Variants in OR2L13 observed in about 807,000 individuals in gnomAD.
OR2L13 encodes the protein olfactory receptor 2L13.
Under a neutral mutation model 15.3 loss-of-function variants are expected in OR2L13, and 14 were observed. That is an observed-to-expected ratio of 0.91 (90% CI 0.60 to 1.43). The LOEUF (loss-of-function observed/expected upper bound fraction) is 1.43. Among genes scored for constraint, OR2L13 ranks in the 40% most tolerant of loss-of-function variants. The probability of loss-of-function intolerance (pLI) is 0.00; values close to 1 mark genes in which losing one functional copy is unlikely to be tolerated. For synonymous variants in OR2L13, 152 were observed against 142.9 expected, an observed-to-expected ratio of 1.06 and a Z score of -0.45; for missense variants, 367 against 387.9, an observed-to-expected ratio of 0.95 and a Z score of 0.45.
At chr1:247,939,621 T>C in the OR2L13 span, 3 of 152,182 alleles carry the variant, frequency 2.0e-5, no homozygotes, top group Non-Finnish European at 2.9e-5. Context: ...AAAAAAAGAA[T>C]AGGAAAATTC....
the OR2L13 span, among the ~76,000 whole-genome samples, chr1:248,030,584 T>C: frequency 6.6e-6 from 1 of 152,178 alleles, no homozygotes; most frequent in African/African-American, 2.4e-5. Context: ...TCCTTGTACC[T>C]ACTTGGTTGG....
At chr1:248,010,003 A>G in the OR2L13 span, among the ~76,000 whole-genome samples, 1 of 152,182 alleles carries the variant, frequency 6.6e-6, no homozygotes, top group Non-Finnish European at 1.5e-5. Context: ...CTAGGTGTTC[A>G]CAGAACGTAT....
At chr1:248,003,139 T>C in the OR2L13 span, 95 of 1,335,960 alleles carry the variant, frequency 7.1e-5, 1 homozygote, top group South Asian at 5.6e-4. Context: ...CCATGGAAAA[T>C]TGCAATCAAA....
the OR2L13 span, chr1:248,022,942 C>A: frequency 2.0e-5 from 29 of 1,470,284 alleles, no homozygotes; most frequent in African/African-American, 4.2e-5. Context: ...CAGCAGTGTA[C>A]AGCAGTGAAG....
At chr1:247,959,656 T>A in the OR2L13 span, among the ~76,000 whole-genome samples, 11 of 152,146 alleles carry the variant, frequency 7.2e-5, no homozygotes, top group African/African-American at 2.2e-4. Context: ...TTATTCTTTT[T>A]TCTCTAAACT....
the OR2L13 span, among the ~76,000 whole-genome samples, chr1:247,945,973 C>T: frequency 5.2e-3 from 795 of 152,158 alleles, 8 homozygotes; most frequent in African/African-American, 0.018. Flanking sequence ...TATTAGCCTT[C>T]GATAAATAAA....
the OR2L13 span, among the ~76,000 whole-genome samples, chr1:248,086,864 T>G: frequency 9.2e-4 from 139 of 151,406 alleles, no homozygotes; most frequent in African/African-American, 3.3e-3. Flanking sequence ...TACACTTATA[T>G]ATACATTTCT....
the OR2L13 span, chr1:248,003,749 G>A: frequency 4.9e-5 from 79 of 1,613,712 alleles, no homozygotes; most frequent in African/African-American, 1.1e-4. Flanking sequence ...CATCTTTCTC[G>A]TGTTTCCCTT....
the OR2L13 span, chr1:247,965,597 TCTC>T: frequency 1.3e-6 from 2 of 1,579,982 alleles, no homozygotes; most frequent in African/African-American, 1.3e-5. Flanking sequence ...CTCATGTACA[TCTC>T]CACCACAGTG....
chr1:248,026,756 G>C, the OR2L13 span, among the ~76,000 whole-genome samples: 1 of 151,326 alleles, frequency 6.6e-6, no homozygotes, highest in Non-Finnish European at 1.5e-5. Context: ...AGATTTCATG[G>C]ACACTTATCA....
the OR2L13 span, chr1:247,975,187 T>C: frequency 2.5e-6 from 1 of 397,788 alleles, no homozygotes; most frequent in Non-Finnish European, 5.0e-6. Context: ...TCTTGGATAA[T>C]GGGCTCTATC....
At chr1:248,039,136 G>T in the OR2L13 span, 3 of 1,613,896 alleles carry the variant, frequency 1.9e-6, no homozygotes, top group East Asian at 2.2e-5. Context: ...ATCATCTACA[G>T]CCTGAGAAAC....
At chr1:247,948,604 T>C in the OR2L13 span, among the ~76,000 whole-genome samples, 3 of 152,352 alleles carry the variant, frequency 2.0e-5, no homozygotes, top group Non-Finnish European at 2.9e-5. Flanking sequence ...TATTCACATA[T>C]TTATAGTATA....
chr1:247,945,942 G>A, the OR2L13 span, among the ~76,000 whole-genome samples: 1 of 152,036 alleles, frequency 6.6e-6, no homozygotes. Flanking sequence ...GTGACTTTGG[G>A]TATTGTTGAC....
At chr1:248,089,466 C>A in the OR2L13 span, among the ~76,000 whole-genome samples, 3 of 152,068 alleles carry the variant, frequency 2.0e-5, no homozygotes, top group African/African-American at 7.2e-5. Flanking sequence ...GAGCAGGGAG[C>A]CCTCTTAGTG....
chr1:248,022,901 T>C, the OR2L13 span: 2 of 1,587,206 alleles, frequency 1.3e-6, no homozygotes, highest in African/African-American at 2.7e-5. Context: ...ACGTTCTGTG[T>C]TAGAGTCAAA....
upstream of OR2L13, among the ~76,000 whole-genome samples, chr1:248,096,247 G>A (rs1312175759): frequency 1.3e-5 from 2 of 151,966 alleles, no homozygotes; most frequent in Non-Finnish European, 2.9e-5. Flanking sequence ...GCCGGGCGTG[G>A]TGGTGGGCGC....
the OR2L13 span, among the ~76,000 whole-genome samples, chr1:248,011,844 C>A: frequency 1.3e-5 from 2 of 152,110 alleles, no homozygotes; most frequent in Non-Finnish European, 2.9e-5. Flanking sequence ...CCCTCAGTAT[C>A]TCTGTAGGTG....
At chr1:247,966,288 G>T in the OR2L13 span, 1 of 1,613,802 alleles carries the variant, frequency 6.2e-7, no homozygotes, top group Non-Finnish European at 8.5e-7. Context: ...TGAGGAGACT[G>T]TTGGGATATT....
Sources: allele counts gnomAD v4.1 joint callset (sites outside exome capture counted in the v4.1 genomes callset), GRCh38; gene constraint gnomAD v4.1.1; transcripts MANE v1.5; gene names NCBI Gene and HGNC (gene_info 2026-07-23, HGNC 2026-07-21).